The following YAF2 variants were observed in gnomAD, a reference collection of about 807,000 sequenced individuals.
YAF2 encodes the protein YY1-associated factor 2.
In YAF2, 7 loss-of-function variants were observed where a neutral mutation model predicts 20.1. That is an observed-to-expected ratio of 0.35 (90% confidence interval 0.20 to 0.65). The LOEUF (loss-of-function observed/expected upper bound fraction) is 0.65. Ranked by LOEUF, YAF2 falls within the 30% of genes least tolerant of loss-of-function variation. The pLI is 0.69. For missense variants in YAF2, 151 were observed against 219.2 expected, an observed-to-expected ratio of 0.69 and a Z score of 1.96; for synonymous variants, 74 against 76.0, an observed-to-expected ratio of 0.97 and a Z score of 0.14.
intron 2 of YAF2, among the ~76,000 whole-genome samples, chr12:42,228,927 G>A (rs1323106234): frequency 1.4e-4 from 10 of 69,970 alleles, no homozygotes; most frequent in Non-Finnish European, 2.5e-4. Context: ...ACAGCTCATT[G>A]AGAACGGGCC....
intron 2 of YAF2, among the ~76,000 whole-genome samples, chr12:42,213,327 C>T (rs1368990990): frequency 6.6e-6 from 1 of 152,208 alleles, no homozygotes; most frequent in African/African-American, 2.4e-5. Flanking sequence ...CAAATGGATC[C>T]TTCCTCAGTT....
Position 42,160,615 on chromosome 12 carries a change from A to T in YAF2, c.517T>A (p.Ser173Thr). Residue 173 changes from serine (S) to threonine (T), a missense_variant, in exon 4 of 4, where the codon TCA (serine) becomes ACA (threonine). Coordinates refer to ENST00000534854, the MANE Select transcript of YAF2 (RefSeq NM_005748.6). ...SRSSSPRGEA[S>T]SLNGESH ...TAATGAGATTCTCCATTCAATGATG[A>T]GGCTTCTCCTCTGGGTGAAGATGAC... 6 of 1,613,286 alleles carry T rather than the reference A, an allele frequency of 3.7e-6. No individual in the cohort carries two copies. The highest frequency in any genetic ancestry group is 5.1e-6 in the Non-Finnish European group (6 of 1,179,606).
chr12:42,189,464 C>T (rs948745771), intron 2 of YAF2, among the ~76,000 whole-genome samples: 3 of 152,084 alleles, frequency 2.0e-5, no homozygotes, highest in East Asian at 1.9e-4. Flanking sequence ...AAATCCACAA[C>T]GATTACAATG....
chr12:42,228,438 C>G (rs2067845145), intron 2 of YAF2, among the ~76,000 whole-genome samples: 1 of 58,236 alleles, frequency 1.7e-5, no homozygotes, highest in Non-Finnish European at 3.0e-5. Flanking sequence ...GGGGGTCAGC[C>G]CCCCGCCTGG....
chr12:42,194,597 T>A (rs1281996786), intron 2 of YAF2, among the ~76,000 whole-genome samples: 3 of 152,170 alleles, frequency 2.0e-5, no homozygotes, highest in Admixed American at 1.3e-4. Flanking sequence ...TGAGCTGAGA[T>A]TGTGCCACTG....
intron 2 of YAF2, among the ~76,000 whole-genome samples, chr12:42,217,277 G>A (rs192623142): frequency 6.6e-6 from 1 of 152,102 alleles, no homozygotes; most frequent in African/African-American, 2.4e-5. Context: ...TAAGAAAATG[G>A]TTTTATTCCT....
intron 2 of YAF2, among the ~76,000 whole-genome samples, chr12:42,183,538 T>G (rs1333803726): frequency 6.6e-6 from 1 of 152,184 alleles, no homozygotes; most frequent in Non-Finnish European, 1.5e-5. Flanking sequence ...TCAGCTTGGA[T>G]AGAAGATCAA....
chr12:42,235,810 A>T (rs1592075066), intron 2 of YAF2: 1 of 1,535,522 alleles, frequency 6.5e-7, no homozygotes, highest in African/African-American at 1.4e-5. Flanking sequence ...GCCTCTTTTA[A>T]ACTAGGCCCA....
chr12:42,235,625 C>CA, intron 2 of YAF2: 2 of 1,496,382 alleles, frequency 1.3e-6, no homozygotes, highest in Non-Finnish European at 1.8e-6. Flanking sequence ...TTCAGGAACA[C>CA]AGTGTCCCTT....
chr12:42,225,956 A>G lies in YAF2; in HGVS notation c.152+11643T>C, dbSNP rs1282529245. Reference sequence around the variant, plus strand: ...GATGGGGACAGCACTGAATCTATAAATTACTTTGGGAAGTATGGCCATTTT... The same window carrying G: ...GATGGGGACAGCACTGAATCTATAAGTTACTTTGGGAAGTATGGCCATTTT... On this transcript the variant is annotated intron_variant, in intron 2 of 3. Transcript: ENST00000534854. Among the ~76,000 whole-genome samples, 2 of 152,218 alleles carry G rather than the reference A, an allele frequency of 1.3e-5. 1 individual carries two copies. The highest frequency in any genetic ancestry group is 4.8e-5 in the African/African-American group (2 of 41,450).
chr12:42,190,696 A>G (rs187144313), intron 2 of YAF2, among the ~76,000 whole-genome samples: 1 of 152,014 alleles, frequency 6.6e-6, no homozygotes, highest in East Asian at 1.9e-4. Context: ...TATTGTAATT[A>G]TTTTCTACTA....
At chr12:42,181,799 T>C (rs544563499) in intron 2 of YAF2, among the ~76,000 whole-genome samples, 92 of 152,258 alleles carry the variant, frequency 6.0e-4, no homozygotes, top group African/African-American at 2.1e-3. Flanking sequence ...ACTGGGTAAA[T>C]GAATTTATAA....
intron 2 of YAF2, chr12:42,231,882 T>A (rs1329271076): frequency 6.6e-5 from 10 of 152,232 alleles, no homozygotes; most frequent in Admixed American, 6.5e-4. Flanking sequence ...GATATATTTT[T>A]TGAATATATT....
At chr12:42,187,535 A>G (rs748443768) in intron 2 of YAF2, among the ~76,000 whole-genome samples, 41 of 152,140 alleles carry the variant, frequency 2.7e-4, no homozygotes, top group Admixed American at 5.2e-4. Flanking sequence ...CAAGAATACT[A>G]AAGATTGAGA....
intron 2 of YAF2, among the ~76,000 whole-genome samples, chr12:42,236,680 A>G (rs2068168845): frequency 6.6e-6 from 1 of 152,196 alleles, no homozygotes; most frequent in Admixed American, 6.5e-5. Context: ...TAAGATTAGT[A>G]TGCTTATTGT....
At chr12:42,231,351 T>C (rs1445614156) in intron 2 of YAF2, 1 of 152,216 alleles carries the variant, frequency 6.6e-6, no homozygotes, top group African/African-American at 2.4e-5. Flanking sequence ...GATTGTCACA[T>C]CTATCTCAGC....
intron 2 of YAF2, among the ~76,000 whole-genome samples, chr12:42,184,579 G>A (rs1215452960): frequency 2.0e-5 from 3 of 152,056 alleles, no homozygotes; most frequent in African/African-American, 4.8e-5. Flanking sequence ...CAAAGTGCCG[G>A]GATTACAGGC....
At chr12:42,228,040 C>T (rs1481188048) in intron 2 of YAF2, among the ~76,000 whole-genome samples, 3,905 of 110,794 alleles carry the variant, frequency 0.035, 90 homozygotes, top group Non-Finnish European at 0.044. Flanking sequence ...GCCCTCCGCC[C>T]GGCCAGCCGC....
chr12:42,212,048 T>G (rs2067228306), intron 2 of YAF2, among the ~76,000 whole-genome samples: 1 of 150,692 alleles, frequency 6.6e-6, no homozygotes, highest in Non-Finnish European at 1.5e-5. Flanking sequence ...AAAAAAAAAG[T>G]CTTTAACCAT....
Sources: allele counts gnomAD v4.1 joint callset (sites outside exome capture counted in the v4.1 genomes callset), GRCh38; gene constraint gnomAD v4.1.1; transcripts MANE v1.5; gene names NCBI Gene and HGNC (gene_info 2026-07-23, HGNC 2026-07-21).